TULP4: variants seen among roughly 807,000 people sequenced by gnomAD.
TULP4 encodes the protein tubby-related protein 4.
TULP4 carries 16 observed loss-of-function variants against 129.0 expected under a neutral mutation model. The ratio of observed to expected loss-of-function variants is 0.12; its 90% CI spans 0.08 to 0.19. The LOEUF is 0.19. Ranked by LOEUF, TULP4 falls within the 10% of genes least tolerant of loss-of-function variation. The pLI is 1.00. For synonymous variants in TULP4, 998 were observed against 854.0 expected (o/e 1.17, Z -2.94); for missense variants, 1,842 against 2,059.1 (o/e 0.89, Z 2.04).
At chr6:158,277,931 C>T (rs1334831846), upstream of TULP4, among the ~76,000 whole-genome samples, 1 of 152,184 alleles carries the variant, frequency 6.6e-6, no homozygotes, top group African/African-American at 2.4e-5. Context: ...GTTTCCTTCA[C>T]TCAGAGAGCA....
intron 1 of TULP4, among the ~76,000 whole-genome samples, chr6:158,344,714 A>G (rs980275283): frequency 6.6e-6 from 1 of 152,178 alleles, no homozygotes; most frequent in African/African-American, 2.4e-5. Context: ...AGATGACAAT[A>G]TTGAAATTAT....
intron 1 of TULP4, among the ~76,000 whole-genome samples, chr6:158,324,556 C>T (rs1779704292): frequency 6.6e-6 from 1 of 152,192 alleles, no homozygotes; most frequent in South Asian, 2.1e-4. Context: ...GAAAAAGGCA[C>T]TGTTCCTGCC....
At chr6:158,506,483 G>A (rs751929690) in intron 13 of TULP4, 95 bp from the exon 14 acceptor site, 21 of 813,472 alleles carry the variant, frequency 2.6e-5, no homozygotes, top group East Asian at 7.4e-5. Flanking sequence ...TGCCCACCTC[G>A]GCCTCCCAAA....
intron 1 of TULP4, among the ~76,000 whole-genome samples, chr6:158,246,261 G>A (rs1778029938): frequency 6.6e-6 from 1 of 152,054 alleles, no homozygotes; most frequent in South Asian, 2.1e-4. Flanking sequence ...CAGCACTTTG[G>A]GAGGCTGAGG....
chr6:158,465,826 C>T (rs635995), intron 6 of TULP4, among the ~76,000 whole-genome samples: 63,526 of 151,980 alleles, frequency 0.42, 14,586 homozygotes, highest in African/African-American at 0.62. Flanking sequence ...TATCTTGAAA[C>T]CAGGAGAAGT....
At position 158,328,243 on chromosome 6, in the gene TULP4, C is replaced by T. The variant is rs1198201211; in HGVS notation, c.252+13975C>T. On this transcript the variant is annotated intron_variant, in intron 1 of 13. Transcript: ENST00000367097. The stretch of plus-strand genomic sequence containing the variant: ...TTTGTACCAGACACCATCCTAAGTG[C>T]TATAGCTCACTCAGTCCTCACATCA... Among the ~76,000 whole-genome samples, 3 of 151,730 alleles carry T rather than the reference C, an allele frequency of 2.0e-5. No individual in the cohort carries two copies. The South Asian group carries it at 6.3e-4, about 32-fold the overall frequency.
intron 1 of TULP4, among the ~76,000 whole-genome samples, chr6:158,383,729 C>T (rs1452213831): frequency 2.6e-5 from 4 of 152,174 alleles, no homozygotes; most frequent in Admixed American, 6.5e-5. Flanking sequence ...GCCAGCTTCT[C>T]GGGGCACATG....
intron 2 of TULP4, among the ~76,000 whole-genome samples, chr6:158,418,316 C>A (rs986958100): frequency 6.6e-6 from 1 of 151,832 alleles, no homozygotes; most frequent in Non-Finnish European, 1.5e-5. Context: ...CCATGTTGCC[C>A]AGGCTGTTCT....
chr6:158,433,582 G>A (rs1425469616), intron 3 of TULP4, among the ~76,000 whole-genome samples: 5 of 152,142 alleles, frequency 3.3e-5, no homozygotes, highest in African/African-American at 7.2e-5. Context: ...GTGGTGGCAC[G>A]TGCCTGTAGT....
chr6:158,380,910 A>AAAAAAAAAAAAAG (rs779845034), intron 1 of TULP4, among the ~76,000 whole-genome samples: 11 of 135,130 alleles, frequency 8.1e-5, no homozygotes, highest in Non-Finnish European at 1.6e-4. Context: ...AAAAAAAAAA[A>AAAAAAAAAAAAAG]AAGAAGAAGA....
intron 3 of TULP4, among the ~76,000 whole-genome samples, chr6:158,433,719 T>G (rs930251163): frequency 6.6e-6 from 1 of 152,184 alleles, no homozygotes; most frequent in Non-Finnish European, 1.5e-5. Context: ...AAAAAAGTTA[T>G]TTTTCACAGC....
chr6:158,404,832 A>G (rs1470941783), intron 1 of TULP4, among the ~76,000 whole-genome samples: 1 of 151,184 alleles, frequency 6.6e-6, no homozygotes, highest in Non-Finnish European at 1.5e-5. Flanking sequence ...CCATAAGGTC[A>G]TTTTTTTCCT....
At chr6:158,245,176 T>C (rs1369679868) in intron 1 of TULP4, among the ~76,000 whole-genome samples, 1 of 151,452 alleles carries the variant, frequency 6.6e-6, no homozygotes, top group Non-Finnish European at 1.5e-5. Context: ...TTTTTTTTTT[T>C]TAGGGATGAA....
chr6:158,379,241 A>G (rs1293783339), intron 1 of TULP4, among the ~76,000 whole-genome samples: 1 of 152,204 alleles, frequency 6.6e-6, no homozygotes, highest in East Asian at 1.9e-4. Flanking sequence ...TGGAGTTGCC[A>G]TTTACTGAGG....
intron 1 of TULP4, among the ~76,000 whole-genome samples, chr6:158,300,670 G>A (rs766970809): frequency 1.3e-5 from 2 of 152,188 alleles, no homozygotes; most frequent in Non-Finnish European, 2.9e-5. Flanking sequence ...GTGCCTTCCC[G>A]TTTGGCAAGT....
chr6:158,367,310 A>G (rs1419046475), intron 1 of TULP4, among the ~76,000 whole-genome samples: 3 of 152,228 alleles, frequency 2.0e-5, no homozygotes, highest in Non-Finnish European at 4.4e-5. Context: ...TCAAGAGGGT[A>G]GGAGGAGGAG....
intron 1 of TULP4, among the ~76,000 whole-genome samples, chr6:158,356,832 G>A (rs1394568155): frequency 1.3e-5 from 2 of 151,410 alleles, no homozygotes; most frequent in African/African-American, 4.9e-5. Context: ...AAGCTGTAAA[G>A]TAACTCCTTA....
intron 1 of TULP4, among the ~76,000 whole-genome samples, chr6:158,374,137 A>T (rs1043840610): frequency 1.3e-5 from 2 of 152,174 alleles, no homozygotes; most frequent in Non-Finnish European, 2.9e-5. Flanking sequence ...TCAGAAGTAA[A>T]CAGCAGCCAA....
At chr6:158,364,690 C>T (rs563038277) in intron 1 of TULP4, among the ~76,000 whole-genome samples, 23 of 152,210 alleles carry the variant, frequency 1.5e-4, no homozygotes, top group African/African-American at 5.5e-4. Context: ...TCTCTTTATC[C>T]TTAATGTTTT....
Sources: allele counts gnomAD v4.1 joint callset (sites outside exome capture counted in the v4.1 genomes callset), GRCh38; gene constraint gnomAD v4.1.1; transcripts MANE v1.5; gene names NCBI Gene and HGNC (gene_info 2026-07-23, HGNC 2026-07-21).